The following PDE1C variants were observed in gnomAD, a reference collection of about 807,000 sequenced individuals.
PDE1C encodes dual specificity calcium/calmodulin-dependent 3',5'-cyclic nucleotide phosphodiesterase 1C.
PDE1C carries 62 observed loss-of-function variants against 93.1 expected under a neutral mutation model. The observed-to-expected ratio is 0.67, with a 90% CI of 0.54 to 0.82. The LOEUF (loss-of-function observed/expected upper bound fraction) is 0.82. Ranked by LOEUF, PDE1C falls within the 40% of genes least tolerant of loss-of-function variation. The probability of loss-of-function intolerance (pLI) is 0.00; values close to 1 mark genes in which losing one functional copy is unlikely to be tolerated. For missense variants in PDE1C, 742 were observed against 884.6 expected (o/e 0.84, Z 2.04); for synonymous variants, 325 against 310.1 (o/e 1.05, Z -0.50).
chr7:32,161,446 C>A (rs916432313), intron 3 of PDE1C, among the ~76,000 whole-genome samples: 16 of 152,198 alleles, frequency 1.1e-4, no homozygotes, highest in Admixed American at 1.0e-3. Flanking sequence ...TATTGAAAAT[C>A]TCTTCCCTGT....
At chr7:32,083,503 C>CCA (rs1796852536) in intron 3 of PDE1C, among the ~76,000 whole-genome samples, 1 of 152,028 alleles carries the variant, frequency 6.6e-6, no homozygotes, top group Non-Finnish European at 1.5e-5. Context: ...ACAGAGAATG[C>CCA]CACAAAGATA....
chr7:32,374,276 A>C (rs1407750254), intron 1 of PDE1C, among the ~76,000 whole-genome samples: 1 of 146,770 alleles, frequency 6.8e-6, no homozygotes, highest in Non-Finnish European at 1.5e-5. Flanking sequence ...AGAAAGAAAG[A>C]AAGAAAGAAA....
chr7:31,657,679 C>CT, the PDE1C span, among the ~76,000 whole-genome samples: 29 of 151,136 alleles, frequency 1.9e-4, no homozygotes, highest in African/African-American at 2.7e-4. Flanking sequence ...TCCTGTATTC[C>CT]TTTTTTTTTG....
the PDE1C span, among the ~76,000 whole-genome samples, chr7:31,711,271 C>A: frequency 2.0e-5 from 3 of 152,270 alleles, no homozygotes; most frequent in African/African-American, 4.8e-5. Context: ...TCAATCAAAT[C>A]ATATGTATTT....
chr7:32,259,983 C>G (rs1364200831), intron 1 of PDE1C, among the ~76,000 whole-genome samples: 1 of 152,172 alleles, frequency 6.6e-6, no homozygotes, highest in Non-Finnish European at 1.5e-5. Context: ...AGAAATTCTT[C>G]GTCCCACCTA....
chr7:32,220,479 T>C (rs1014503730), intron 1 of PDE1C, among the ~76,000 whole-genome samples: 15 of 152,132 alleles, frequency 9.9e-5, no homozygotes, highest in African/African-American at 3.4e-4. Context: ...GCCCCTTTCT[T>C]CTCTTTTCTC....
At chr7:32,206,186 T>C (rs370507009) in intron 2 of PDE1C, among the ~76,000 whole-genome samples, 1 of 152,110 alleles carries the variant, frequency 6.6e-6, no homozygotes, top group Non-Finnish European at 1.5e-5. Flanking sequence ...CCCACTAGCA[T>C]GTAGGAGACC....
chr7:32,398,144 C>T (rs1784871593), intron 1 of PDE1C, among the ~76,000 whole-genome samples: 1 of 144,036 alleles, frequency 6.9e-6, no homozygotes, highest in South Asian at 2.2e-4. Context: ...CAGAGCAAGA[C>T]TCCGTCTCAA....
At chr7:32,271,194 A>C (rs936906064) in intron 1 of PDE1C, among the ~76,000 whole-genome samples, 2 of 152,158 alleles carry the variant, frequency 1.3e-5, no homozygotes, top group Non-Finnish European at 2.9e-5. Flanking sequence ...TAAATCAGAT[A>C]ACTTTTGAGA....
At chr7:31,795,342 A>G (rs1785157082) in intron 16 of PDE1C, among the ~76,000 whole-genome samples, 1 of 151,896 alleles carries the variant, frequency 6.6e-6, no homozygotes, top group Admixed American at 6.6e-5. Flanking sequence ...AATCTGACAA[A>G]ATATCATTTT....
intron 2 of PDE1C, among the ~76,000 whole-genome samples, chr7:31,894,267 T>C (rs1383285652): frequency 6.6e-6 from 1 of 152,220 alleles, no homozygotes; most frequent in East Asian, 1.9e-4. Context: ...CTTTTCTCCA[T>C]ACCAGGTGAT....
At chr7:31,639,429 A>G in the PDE1C span, among the ~76,000 whole-genome samples, 2 of 52,210 alleles carry the variant, frequency 3.8e-5, no homozygotes, top group East Asian at 6.3e-4. Flanking sequence ...CTAGACATTC[A>G]ATTTGGGTTT....
intron 3 of PDE1C, among the ~76,000 whole-genome samples, chr7:32,099,793 C>T (rs900131266): frequency 6.6e-6 from 1 of 152,184 alleles, no homozygotes; most frequent in South Asian, 2.1e-4. Flanking sequence ...CCAGAGGCCC[C>T]TGCAATGCCT....
chr7:31,668,138 T>G, the PDE1C span, among the ~76,000 whole-genome samples: 4 of 152,194 alleles, frequency 2.6e-5, no homozygotes, highest in African/African-American at 9.7e-5. Flanking sequence ...AAATTAGGCT[T>G]TTGTGTGACT....
chr7:31,653,814 A>C, the PDE1C span: 5 of 152,224 alleles, frequency 3.3e-5, no homozygotes, highest in African/African-American at 1.2e-4. Flanking sequence ...GTTTTGTGAA[A>C]GAGAACACAG....
chr7:32,177,758 G>A (rs1183649224), intron 2 of PDE1C, among the ~76,000 whole-genome samples: 1 of 152,118 alleles, frequency 6.6e-6, no homozygotes, highest in Non-Finnish European at 1.5e-5. Context: ...TCCCTGTATG[G>A]CCCACATGGT....
intron 17 of PDE1C, among the ~76,000 whole-genome samples, chr7:31,762,543 G>C (rs922628415): frequency 6.6e-6 from 1 of 151,948 alleles, no homozygotes; most frequent in African/African-American, 2.4e-5. Context: ...TTTCACCATG[G>C]TGGCCAGAGT....
At chr7:32,216,193 AATC>A (rs1384238001) in intron 1 of PDE1C, among the ~76,000 whole-genome samples, 1 of 152,174 alleles carries the variant, frequency 6.6e-6, no homozygotes, top group Admixed American at 6.5e-5. Flanking sequence ...CTTGGTGCAA[AATC>A]ATCATTAACT....
chr7:31,987,150 T>C (rs1227606715), intron 2 of PDE1C, among the ~76,000 whole-genome samples: 5 of 152,210 alleles, frequency 3.3e-5, no homozygotes, highest in Admixed American at 3.3e-4. Flanking sequence ...CCTTTATTTA[T>C]TCATTGCTGT....
Sources: gnomAD v4.1 joint callset for allele counts (sites outside exome capture counted in the v4.1 genomes callset) on GRCh38, gnomAD v4.1.1 for gene constraint, MANE v1.5 for transcripts, NCBI Gene and HGNC (gene_info 2026-07-23, HGNC 2026-07-21) for gene names.